RMC1: variants seen among roughly 807,000 people sequenced by gnomAD.
The protein encoded by RMC1 is regulator of MON1-CCZ1 complex.
A neutral mutation model predicts 95.5 loss-of-function variants in RMC1; 44 were observed. The ratio of observed to expected loss-of-function variants is 0.46; its 90% CI spans 0.36 to 0.59. The LOEUF (loss-of-function observed/expected upper bound fraction) is 0.59. RMC1 is among the 20% of genes least tolerant of loss of function. The probability of loss-of-function intolerance (pLI) is 0.00; values close to 1 mark genes in which losing one functional copy is unlikely to be tolerated. For synonymous variants in RMC1, 320 were observed against 303.6 expected, an observed-to-expected ratio of 1.05 and a Z score of -0.56; for missense variants, 705 against 819.6, an observed-to-expected ratio of 0.86 and a Z score of 1.71.
chr18:23,509,415 G>A, intron 5 of RMC1, 136 bp downstream of exon 5: 2 of 331,700 alleles, frequency 6.0e-6, no homozygotes, highest in Middle Eastern at 8.9e-4. Context: ...TGTTGCCCAG[G>A]CTGCAGTGCA....
In RMC1 at chr18:23,529,765, AAC is replaced by A. The variant is rs373411758; in HGVS notation, c.1494+57_1494+58del. 1,682 of 1,528,070 alleles carry A rather than the reference AAC, an allele frequency of 1.1e-3. 15 individuals are homozygous for A. In the East Asian group the frequency reaches 0.024, roughly 21 times the overall value. The allele number at this position is 1,528,070 out of a possible 1,614,324, so 94.7% of individuals were successfully genotyped here. ...TAAAACAGAAGGAATTTAAAAAAAA[AAC>A]ACAGTCACTGTCTTAGAAGATGACT... On this transcript the variant is annotated intron_variant, in intron 16 of 19. Coordinates refer to ENST00000269221, the MANE Select transcript of RMC1 (RefSeq NM_013326.5).
In RMC1 at chr18:23,531,685, T is replaced by C. The variant is rs144687654; in HGVS notation, c.1955T>C (p.Met652Thr). Reference sequence around the variant, plus strand: ...CAGATTTTTGGAGACCAAGCTCTAATGAGGCCTACAACATTCTGAAATCAC... The same window carrying C: ...CAGATTTTTGGAGACCAAGCTCTAACGAGGCCTACAACATTCTGAAATCAC... ...FKQIFGDQAL[M>T]RPTTF The change falls in exon 20 of 20, where the codon ATG becomes ACG. Residue 652 changes from methionine to threonine, a missense_variant. Met to Thr is a moderately conservative substitution (Grantham distance 81). Coordinates refer to ENST00000269221, the MANE Select transcript of RMC1 (RefSeq NM_013326.5). 3 of 1,613,134 alleles carry C rather than the reference T, an allele frequency of 1.9e-6. No individual in the cohort carries two copies. In the South Asian group the frequency reaches 3.3e-5, roughly 18 times the overall value.
intron 5 of RMC1, among the ~76,000 whole-genome samples, chr18:23,515,060 TG>T (rs1194150518): frequency 6.6e-6 from 1 of 151,580 alleles, no homozygotes; most frequent in East Asian, 1.9e-4. Flanking sequence ...GGAGTCGAGG[TG>T]GAGGCCAAGC....
chr18:23,516,049 C>A, intron 6 of RMC1, 53 bp downstream of exon 6: 1 of 1,610,686 alleles, frequency 6.2e-7, no homozygotes, highest in Non-Finnish European at 8.5e-7. Context: ...GTCCCCTGTT[C>A]CTGTAGCATC....
Position 23,503,660 on chromosome 18 carries a change from G to C in RMC1, c.42G>C (p.Pro14=). The change falls in exon 1 of 20, where the codon CCG becomes CCC. Residue 14 remains proline (P), a synonymous_variant. Coordinates refer to ENST00000269221, the MANE Select transcript of RMC1 (RefSeq NM_013326.5). ...EDYYLELCER[P]VQFEKANPVN... ...ACTATCTGGAGCTGTGCGAGCGGCCGGTGCAGTTCGAGAAGGCGAACCCTG... is the reference window on the plus strand; with the variant it reads ...ACTATCTGGAGCTGTGCGAGCGGCCCGTGCAGTTCGAGAAGGCGAACCCTG... 1 of 1,591,278 alleles carries C rather than the reference G, an allele frequency of 6.3e-7. No homozygotes were observed. Among genetic ancestry groups the C allele is most frequent in the Non-Finnish European group, 8.6e-7 (1 of 1,169,496 alleles).
chr18:23,524,510 T>G (rs1178791869), intron 12 of RMC1, 28 bp downstream of exon 12: 1 of 1,610,478 alleles, frequency 6.2e-7, no homozygotes, highest in African/African-American at 1.3e-5. Context: ...GTTGTCGTGT[T>G]ACAACATGGT....
At chr18:23,523,245 T>C (rs2058191517) in intron 10 of RMC1, among the ~76,000 whole-genome samples, 1 of 152,076 alleles carries the variant, frequency 6.6e-6, no homozygotes, top group African/African-American at 2.4e-5. Flanking sequence ...ACCTGGGTAA[T>C]TGGAACAGAA....
Position 23,531,787 on chromosome 18 carries a change from A to T in RMC1, c.*83A>T. 1 of 1,552,270 alleles carries T rather than the reference A, an allele frequency of 6.4e-7. No homozygotes were observed. Among genetic ancestry groups the T allele is most frequent in the South Asian group, 1.2e-5 (1 of 81,376 alleles). ...AAAGCTCTTTAAACTATAAAATGTT[A>T]TAAAGTGTATCTACAACCTCAACTG... On this transcript the variant is annotated 3_prime_UTR_variant, in exon 20 of 20. Coordinates refer to ENST00000269221, the MANE Select transcript of RMC1 (RefSeq NM_013326.5).
chr18:23,516,554 G>T, intron 7 of RMC1, 131 bp downstream of exon 7: 1 of 868,856 alleles, frequency 1.2e-6, no homozygotes, highest in African/African-American at 1.7e-5. Context: ...CCTTGTTCTG[G>T]GTATTCAGTG....
chr18:23,511,302 A>G (rs747959858), intron 5 of RMC1, among the ~76,000 whole-genome samples: 1 of 151,148 alleles, frequency 6.6e-6, no homozygotes, highest in Non-Finnish European at 1.5e-5. Flanking sequence ...GAAGGAAACA[A>G]CAGACACGGG....
In RMC1 at chr18:23,524,305, C is replaced by A. The variant is rs2058230564; in HGVS notation, c.1007-124C>A. 11 of 1,481,192 alleles carry A rather than the reference C, an allele frequency of 7.4e-6. No homozygotes were observed. In the Admixed American group the frequency reaches 1.0e-4, roughly 14 times the overall value. 91.8% of individuals were successfully genotyped at this position (1,481,192 alleles called of 1,614,324 possible). A position where few individuals can be genotyped will look rare whatever the true frequency, so the allele number is the denominator to read the frequency against. ...GCCACCCCGCAGGCAGCTTCCCTGA[C>A]TGTCCAGGGGCCTCGCGTTTAGCGT... On this transcript the variant is annotated intron_variant, in intron 11 of 19. Coordinates refer to ENST00000269221, the MANE Select transcript of RMC1 (RefSeq NM_013326.5).
At position 23,530,619 on chromosome 18, in the gene RMC1, A is replaced by G; in HGVS notation, c.1894+7A>G. The G allele has an allele frequency of 6.2e-7, 1 of 1,611,228 alleles. No homozygotes were observed. On this transcript the variant is annotated splice_region_variant and intron_variant, in intron 19 of 19. Coordinates refer to ENST00000269221, the MANE Select transcript of RMC1 (RefSeq NM_013326.5). ...AGCCCCAATTTCACACCAGGTGAGA[A>G]TGCAATGAAAAGACTTGGGGTAACC...
chr18:23,506,623 A>C (rs745859655), intron 2 of RMC1: 1 of 256,922 alleles, frequency 3.9e-6, no homozygotes, highest in Non-Finnish European at 7.6e-6. Flanking sequence ...ACAAGTAGAT[A>C]GTTCTTTCCA....
In RMC1 at chr18:23,531,662, G is replaced by C; in HGVS notation, c.1932G>C (p.Gln644His). Residue 644 changes from glutamine (Q) to histidine (H), a missense_variant, in exon 20 of 20, where the codon CAG becomes CAC. By Grantham distance (24) the Gln-to-His change is conservative. Coordinates refer to ENST00000269221, the MANE Select transcript of RMC1 (RefSeq NM_013326.5). ...AAGAACATGTTGCTTTTTTCAAACA[G>C]ATTTTTGGAGACCAAGCTCTAATGA... ...HCEEHVAFFK[Q>H]IFGDQALMRP... 3 of 1,613,060 alleles carry C rather than the reference G, an allele frequency of 1.9e-6. No homozygotes were observed. Among genetic ancestry groups the C allele is most frequent in the Non-Finnish European group, 2.5e-6 (3 of 1,179,786 alleles).
chr18:23,506,383 A>T (rs574897595), intron 2 of RMC1: 2 of 151,738 alleles, frequency 1.3e-5, no homozygotes, highest in African/African-American at 4.8e-5. Context: ...TTTTTAAATG[A>T]ATTTTTAATT....
chr18:23,503,719 A>G lies in RMC1; in HGVS notation c.101A>G (p.Gln34Arg). ...NCVFFDEANK[Q>R]VFAVRSGGAT... ...GTCTTCTTCGATGAGGCCAACAAGC[A>G]GGTCCGGCGCGCCCGCGCTTCCTCC... The change falls in exon 1 of 20, where the codon CAG becomes CGG. Residue 34 changes from glutamine to arginine, a missense_variant and splice_region_variant. Transcript: ENST00000269221. The G allele has an allele frequency of 6.3e-7, 1 of 1,584,748 alleles. No homozygotes were observed. Among genetic ancestry groups the G allele is most frequent in the African/African-American group, 1.4e-5 (1 of 71,270 alleles).
At chr18:23,519,785 G>A (rs1424102378) in intron 9 of RMC1, among the ~76,000 whole-genome samples, 1 of 152,144 alleles carries the variant, frequency 6.6e-6, no homozygotes, top group Non-Finnish European at 1.5e-5. Flanking sequence ...CAGTGCTGGG[G>A]GATAATGGTT....
chr18:23,518,807 A>C, intron 7 of RMC1, 83 bp from the exon 8 acceptor site: 1 of 1,224,060 alleles, frequency 8.2e-7, no homozygotes, highest in Non-Finnish European at 1.2e-6. Context: ...AATATCTTAT[A>C]ATTTACTTAA....
At chr18:23,518,831 T>A in intron 7 of RMC1, 59 bp from the exon 8 acceptor site, 1 of 1,499,216 alleles carries the variant, frequency 6.7e-7, no homozygotes, top group Non-Finnish European at 9.3e-7. Flanking sequence ...TGATGCCATT[T>A]AGAACAAAGG....
Sources: allele counts gnomAD v4.1 joint callset (sites outside exome capture counted in the v4.1 genomes callset), GRCh38; gene constraint gnomAD v4.1.1; transcripts MANE v1.5; gene names NCBI Gene and HGNC (gene_info 2026-07-23, HGNC 2026-07-21).